Variants in MRE11 observed in about 807,000 individuals in gnomAD.
The protein encoded by MRE11 is double-strand break repair protein MRE11.
Under a neutral mutation model 91.7 loss-of-function variants are expected in MRE11, and 62 were observed. That is an observed-to-expected ratio of 0.68 (90% CI 0.55 to 0.84). The LOEUF (loss-of-function observed/expected upper bound fraction) is 0.84, where lower values mean the gene tolerates loss of function less well. Ranked by LOEUF, MRE11 falls within the 40% of genes least tolerant of loss-of-function variation. The pLI, the probability that MRE11 is intolerant of heterozygous loss-of-function variation, is 0.00. For missense variants in MRE11, 796 were observed against 852.9 expected (o/e 0.93, Z 0.83); for synonymous variants, 273 against 271.4 (o/e 1.01, Z -0.06).
upstream of MRE11, chr11:94,497,435 A>G (rs1225658480): frequency 1.6e-5 from 3 of 182,188 alleles, no homozygotes; most frequent in Non-Finnish European, 3.4e-5. Context: ...TCATTTTACT[A>G]AGTTTCCCCA....
chr11:94,495,988 A>G (rs185473892), upstream of MRE11, among the ~76,000 whole-genome samples: 2 of 152,348 alleles, frequency 1.3e-5, no homozygotes, highest in African/African-American at 4.8e-5. Context: ...AGTTGAAAAC[A>G]AGGACCCAAC....
the MRE11 span, among the ~76,000 whole-genome samples, chr11:94,502,823 G>A: frequency 6.6e-5 from 10 of 151,988 alleles, no homozygotes; most frequent in African/African-American, 1.2e-4. Context: ...ACAGGCGTGC[G>A]CTACCATGCC....
the MRE11 span, among the ~76,000 whole-genome samples, chr11:94,511,013 G>A: frequency 6.6e-6 from 1 of 152,186 alleles, no homozygotes; most frequent in African/African-American, 2.4e-5. Flanking sequence ...TGTATTAAAT[G>A]AATGAGGAGT....
At chr11:94,461,161 G>A in intron 11 of MRE11, 125 bp from the exon 12 acceptor site, 1 of 762,848 alleles carries the variant, frequency 1.3e-6, no homozygotes, top group Non-Finnish European at 2.1e-6. Flanking sequence ...GCTCAACATG[G>A]TAAATTTTGA....
chr11:94,469,843 GAC>G (rs1946661042), intron 9 of MRE11, among the ~76,000 whole-genome samples: 1 of 152,124 alleles, frequency 6.6e-6, no homozygotes, highest in South Asian at 2.1e-4. Context: ...TAGGACAGCT[GAC>G]ACAGAGTTAA....
chr11:94,449,591 C>T (rs1288208378), intron 14 of MRE11, among the ~76,000 whole-genome samples: 1 of 152,176 alleles, frequency 6.6e-6, no homozygotes, highest in East Asian at 1.9e-4. Context: ...TTTAAAGTGT[C>T]CTTTCTGTGA....
At chr11:94,461,162 T>C in intron 11 of MRE11, 126 bp from the exon 12 acceptor site, 1 of 757,624 alleles carries the variant, frequency 1.3e-6, no homozygotes, top group Non-Finnish European at 2.1e-6. Flanking sequence ...CTCAACATGG[T>C]AAATTTTGAG....
intron 16 of MRE11, among the ~76,000 whole-genome samples, chr11:94,441,747 C>T (rs1274019427): frequency 2.0e-5 from 3 of 151,962 alleles, no homozygotes; most frequent in African/African-American, 7.2e-5. Context: ...GAGGCCGAGG[C>T]AGGAGGATCA....
At chr11:94,427,794 T>C (rs1205386006) in intron 19 of MRE11, among the ~76,000 whole-genome samples, 1 of 151,980 alleles carries the variant, frequency 6.6e-6, no homozygotes, top group Non-Finnish European at 1.5e-5. Flanking sequence ...CCATTTACAA[T>C]AGCTACAAAG....
intron 18 of MRE11, among the ~76,000 whole-genome samples, chr11:94,430,966 C>A (rs2040884637): frequency 6.6e-6 from 1 of 152,064 alleles, no homozygotes; most frequent in Non-Finnish European, 1.5e-5. Context: ...AAGTGTCTAC[C>A]TACATAATAT....
chr11:94,504,394 T>C, the MRE11 span, among the ~76,000 whole-genome samples: 4 of 152,230 alleles, frequency 2.6e-5, no homozygotes, highest in Non-Finnish European at 5.9e-5. Flanking sequence ...AAAAAATATG[T>C]TTCACCAATT....
At chr11:94,441,867 C>T (rs1032028291) in intron 16 of MRE11, among the ~76,000 whole-genome samples, 1 of 150,488 alleles carries the variant, frequency 6.6e-6, no homozygotes, top group Non-Finnish European at 1.5e-5. Context: ...ATCCCAGCGA[C>T]TCGGGAGGCT....
In MRE11 at chr11:94,461,202, C is replaced by T. The variant is rs974766774; in HGVS notation, c.1226-166G>A. Reference sequence around the variant, plus strand: ...AACAAGCCATTTTTGTTAATAGCCACGGTCTTTTCCCCACAGTCAGTATTT... The same window carrying T: ...AACAAGCCATTTTTGTTAATAGCCATGGTCTTTTCCCCACAGTCAGTATTT... On this transcript the variant is annotated intron_variant, in intron 11 of 19. Coordinates refer to ENST00000323929, the MANE Select transcript of MRE11 (RefSeq NM_005591.4). Among the ~76,000 whole-genome samples the T allele has an allele frequency of 7.9e-5, 12 of 152,168 alleles. 1 individual carries two copies. Among genetic ancestry groups the T allele is most frequent in the South Asian group, 4.1e-4 (2 of 4,830 alleles).
At chr11:94,447,184 G>T in intron 15 of MRE11, 35 bp downstream of exon 15, 1 of 1,588,016 alleles carries the variant, frequency 6.3e-7, no homozygotes, top group Non-Finnish European at 8.6e-7. Context: ...CAACTGCCAA[G>T]TGTGAATGTG....
Position 94,419,465 on chromosome 11 carries a change from G to GGAGAGAGGGA in MRE11, c.*659_*660insTCCCTCTCTC, listed in dbSNP as rs1554996393. 2.1e-4 allele frequency: 46 copies of GGAGAGAGGGA among 216,430 alleles called. No homozygotes were observed. The highest frequency in any genetic ancestry group is 4.4e-4 in the Admixed American group (7 of 15,958). The allele number at this position is 216,430 out of a possible 1,614,324, so 13.4% of individuals were successfully genotyped here. On this transcript the variant is annotated 3_prime_UTR_variant, in exon 20 of 20. Coordinates refer to ENST00000323929, the MANE Select transcript of MRE11 (RefSeq NM_005591.4). The stretch of plus-strand genomic sequence containing the variant: ...GAAGAGTGGGGAACGGGGGGGAGAG[G>GGAGAGAGGGA]GAGAGAGAGAGAGAGAGAGAGAGAG...
chr11:94,474,889 T>C (rs997923495), intron 7 of MRE11, among the ~76,000 whole-genome samples: 7 of 152,106 alleles, frequency 4.6e-5, no homozygotes, highest in Non-Finnish European at 1.0e-4. Context: ...TACAAAAAAA[T>C]GGTAGACCTG....
At chr11:94,448,620 T>G (rs1382845608) in intron 14 of MRE11, among the ~76,000 whole-genome samples, 1 of 150,370 alleles carries the variant, frequency 6.7e-6, no homozygotes, top group Admixed American at 6.6e-5. Context: ...AAAAAAAAAA[T>G]GAAAAGAAAC....
the MRE11 span, among the ~76,000 whole-genome samples, chr11:94,511,004 G>A: frequency 6.6e-6 from 1 of 152,172 alleles, no homozygotes; most frequent in East Asian, 1.9e-4. Context: ...CAATGAATAT[G>A]TATTAAATGA....
At chr11:94,460,903 C>T in intron 12 of MRE11, 33 bp downstream of exon 12, 2 of 1,503,770 alleles carry the variant, frequency 1.3e-6, no homozygotes, top group East Asian at 2.3e-5. Context: ...TATAAGGTAG[C>T]CATTATTCAA....
Sources: allele counts gnomAD v4.1 joint callset (sites outside exome capture counted in the v4.1 genomes callset), GRCh38; gene constraint gnomAD v4.1.1; transcripts MANE v1.5; gene names NCBI Gene and HGNC (gene_info 2026-07-23, HGNC 2026-07-21).